OSTC: variants seen among roughly 807,000 people sequenced by gnomAD.
OSTC encodes the protein oligosaccharyltransferase complex non-catalytic subunit, also known as oligosaccharyltransferase complex subunit OSTC.
Under a neutral mutation model 16.4 loss-of-function variants are expected in OSTC, and 16 were observed. The observed-to-expected ratio is 0.98, with a 90% CI of 0.66 to 1.49. The LOEUF (loss-of-function observed/expected upper bound fraction) is 1.49, where lower values mean the gene tolerates loss of function less well. Among genes scored for constraint, OSTC ranks in the 40% most tolerant of loss-of-function variants. The probability of loss-of-function intolerance (pLI) is 0.00; values close to 1 mark genes in which losing one functional copy is unlikely to be tolerated. For synonymous variants in OSTC, 67 were observed against 68.5 expected (o/e 0.98, Z 0.11); for missense variants, 139 against 186.3 (o/e 0.75, Z 1.48).
intron 1 of OSTC, chr4:108,652,169 A>G (rs1202103891): frequency 1.3e-5 from 2 of 152,200 alleles, no homozygotes; most frequent in Non-Finnish European, 1.5e-5. Flanking sequence ...TCGGCAGCAC[A>G]TATACTAAAA....
intron 3 of OSTC, among the ~76,000 whole-genome samples, chr4:108,658,422 T>A (rs1234840402): frequency 3.0e-5 from 3 of 101,122 alleles, no homozygotes; most frequent in African/African-American, 4.1e-5. Context: ...GATATTTATA[T>A]ATTTGTGTGT....
At chr4:108,653,364 G>A (rs1010414970) in intron 1 of OSTC, among the ~76,000 whole-genome samples, 1 of 152,250 alleles carries the variant, frequency 6.6e-6, no homozygotes, top group African/African-American at 2.4e-5. Context: ...TGATATGTAA[G>A]CCAAAATCTG....
At chr4:108,661,024 C>T (rs1479787181) in intron 3 of OSTC, among the ~76,000 whole-genome samples, 2 of 151,872 alleles carry the variant, frequency 1.3e-5, no homozygotes, top group African/African-American at 4.8e-5. Flanking sequence ...CAAGACCAGC[C>T]TGGTCAACGT....
chr4:108,657,988 A>G (rs1195921757), intron 3 of OSTC, among the ~76,000 whole-genome samples: 1 of 125,686 alleles, frequency 8.0e-6, no homozygotes, highest in African/African-American at 3.0e-5. Flanking sequence ...TGGAAATGCA[A>G]TGGCACAATC....
intron 3 of OSTC, among the ~76,000 whole-genome samples, chr4:108,659,748 G>A (rs530133332): frequency 5.3e-5 from 8 of 152,156 alleles, no homozygotes; most frequent in African/African-American, 1.2e-4. Context: ...CAGCCTGGGC[G>A]ACAGAGTAAG....
intron 3 of OSTC, among the ~76,000 whole-genome samples, chr4:108,662,836 C>T (rs554919001): frequency 6.6e-5 from 10 of 152,204 alleles, no homozygotes; most frequent in African/African-American, 1.9e-4. Flanking sequence ...AGCTGATATC[C>T]GAGGTTCATT....
intron 1 of OSTC, among the ~76,000 whole-genome samples, chr4:108,654,448 A>T (rs1315199298): frequency 6.6e-6 from 1 of 152,232 alleles, no homozygotes; most frequent in Non-Finnish European, 1.5e-5. Flanking sequence ...CTGAGAGTCC[A>T]AGTGGGAATG....
chr4:108,655,806 G>A (rs1266189775), intron 2 of OSTC, 149 bp downstream of exon 2: 1 of 598,572 alleles, frequency 1.7e-6, no homozygotes, highest in Non-Finnish European at 2.9e-6. Context: ...ATGGCAGAAA[G>A]TGAGTCAAAA....
chr4:108,650,867 G>T lies in OSTC; in HGVS notation c.139+73G>T, dbSNP rs923197312. 4.4e-6 allele frequency: 7 copies of T among 1,601,328 alleles called. No individual in the cohort carries two copies. In the African/African-American group the frequency reaches 5.4e-5, roughly 12 times the overall value. On this transcript the variant is annotated intron_variant, in intron 1 of 3. Coordinates refer to ENST00000361564, the MANE Select transcript of OSTC (RefSeq NM_021227.4). Reference sequence around the variant, plus strand: ...CCGCCCCGGGAGGCGCGTCTGTTCCGCTGACTCTCAGCCCCGGGGGAAGCA... The same window carrying T: ...CCGCCCCGGGAGGCGCGTCTGTTCCTCTGACTCTCAGCCCCGGGGGAAGCA...
intron 3 of OSTC, among the ~76,000 whole-genome samples, chr4:108,664,860 G>A (rs956914704): frequency 3.9e-5 from 6 of 152,258 alleles, no homozygotes; most frequent in African/African-American, 1.2e-4. Context: ...CCAAAGTGCT[G>A]GGATTACAGG....
rs896845795 is a variant in OSTC at position 108,659,207 on chromosome 4, C to T, written c.431+1560C>T. Among the ~76,000 whole-genome samples, 6 of 150,182 alleles carry T rather than the reference C, an allele frequency of 4.0e-5. No individual in the cohort carries two copies. The East Asian group carries it at 9.9e-4, about 25-fold the overall frequency. ...ATGTTGGCCAGGCTGTTCTGGAACG[C>T]TTGACTTCATGATCGACCCGCCTCA... On this transcript the variant is annotated intron_variant, in intron 3 of 3. Coordinates refer to ENST00000361564, the MANE Select transcript of OSTC (RefSeq NM_021227.4).
At chr4:108,657,319 A>G in intron 2 of OSTC, 131 bp from the exon 3 acceptor site, 1 of 751,714 alleles carries the variant, frequency 1.3e-6, no homozygotes, top group Non-Finnish European at 2.1e-6. Flanking sequence ...AGGTATAGTA[A>G]AATAGTTGTA....
intron 3 of OSTC, among the ~76,000 whole-genome samples, chr4:108,664,757 G>A (rs911274683): frequency 1.3e-5 from 2 of 151,686 alleles, no homozygotes; most frequent in African/African-American, 4.8e-5. Context: ...CCACACCCAG[G>A]TAATTTTTGT....
intron 1 of OSTC, chr4:108,651,020 TCTC>T (rs1399890351): frequency 3.6e-6 from 2 of 550,700 alleles, no homozygotes; most frequent in Admixed American, 3.4e-5. Context: ...TTGCCTTTCT[TCTC>T]CTTCTAGCCC....
intron 3 of OSTC, among the ~76,000 whole-genome samples, chr4:108,661,516 A>C (rs1167539184): frequency 6.6e-6 from 1 of 152,242 alleles, no homozygotes; most frequent in Non-Finnish European, 1.5e-5. Flanking sequence ...ATTCTTCTGA[A>C]AAAATAATGA....
At chr4:108,661,113 G>A (rs547101267) in intron 3 of OSTC, among the ~76,000 whole-genome samples, 1 of 151,688 alleles carries the variant, frequency 6.6e-6, no homozygotes, top group Non-Finnish European at 1.5e-5. Context: ...AGCTATTTGG[G>A]AGGCTGAGGC....
At chr4:108,653,334 C>A (rs2575655) in intron 1 of OSTC, among the ~76,000 whole-genome samples, 1 of 152,210 alleles carries the variant, frequency 6.6e-6, no homozygotes, top group East Asian at 1.9e-4. Context: ...GGATTGGATT[C>A]GATATGATTC....
At chr4:108,661,096 T>C (rs530123602) in intron 3 of OSTC, among the ~76,000 whole-genome samples, 3 of 151,862 alleles carry the variant, frequency 2.0e-5, no homozygotes, top group South Asian at 4.2e-4. Flanking sequence ...TGCACGCCTG[T>C]AATCCCAGCT....
chr4:108,657,758 A>G, intron 3 of OSTC, 111 bp downstream of exon 3: 1 of 957,340 alleles, frequency 1.0e-6, no homozygotes, highest in Non-Finnish European at 1.5e-6. Flanking sequence ...TGGGTGAAAA[A>G]TCCAGAAACC....
Sources: allele counts gnomAD v4.1 joint callset (sites outside exome capture counted in the v4.1 genomes callset), GRCh38; gene constraint gnomAD v4.1.1; transcripts MANE v1.5; gene names NCBI Gene and HGNC (gene_info 2026-07-23, HGNC 2026-07-21).